KRTAP5-3: variants seen among roughly 807,000 people sequenced by gnomAD.
KRTAP5-3 encodes the protein keratin-associated protein 5-3.
Under a neutral mutation model 2.3 loss-of-function variants are expected in KRTAP5-3, and 1 was observed. The observed-to-expected ratio is 0.44, with a 90% confidence interval of 0.16 to 2.10. The LOEUF is 2.10. Among genes scored for constraint, KRTAP5-3 ranks in the 30% most tolerant of loss-of-function variants. The probability of loss-of-function intolerance (pLI) is 0.28; values close to 1 mark genes in which losing one functional copy is unlikely to be tolerated. For missense variants in KRTAP5-3, 229 were observed against 291.4 expected (o/e 0.79, Z 1.56); for synonymous variants, 92 against 117.6 (o/e 0.78, Z 1.41).
Position 1,607,620 on chromosome 11 carries a change from C to G in KRTAP5-3, c.*49G>C, listed in dbSNP as rs374233789. ...AATTCAGGACACAGCTGCAATCATT[C>G]CTGGAGAGCCCGGATCTGTAGGACC... On this transcript the variant is annotated 3_prime_UTR_variant, in exon 1 of 1. Transcript: ENST00000399685. The G allele has an allele frequency of 1.4e-5, 23 of 1,613,532 alleles. No individual in the cohort carries two copies. Among genetic ancestry groups the G allele is most frequent in the Non-Finnish European group, 1.9e-5 (23 of 1,179,624 alleles).
rs777650945 is a variant in KRTAP5-3 at position 1,608,341 on chromosome 11, C to CCCACAGCTGGAGCCACAGCCT, written c.24_44dup (p.Ser20_Ser26dup). 6.2e-7 allele frequency: 1 copy of CCCACAGCTGGAGCCACAGCCT among 1,611,018 alleles called. No individual in the cohort carries two copies. The highest frequency in any genetic ancestry group is 1.7e-5 in the Admixed American group (1 of 59,934). ...AGCCCCCACAGCTGGAGCCACAGCC[C>CCCACAGCTGGAGCCACAGCCT]CCACAGCTGGAGCCACAGCCTCCAG... is the stretch of plus-strand genomic sequence containing the variant. On this transcript the variant is annotated inframe_insertion, in exon 1 of 1. Transcript: ENST00000399685.
rs1219950240 is a variant in KRTAP5-3, at chr11:1,608,153, C to A, written c.233G>T (p.Gly78Val). 6.9e-6 allele frequency: 11 copies of A among 1,603,248 alleles called. No individual in the cohort carries two copies. Among genetic ancestry groups the A allele is most frequent in the Non-Finnish European group, 9.4e-6 (11 of 1,175,390 alleles). The change falls in exon 1 of 1, where the codon GGC (glycine) becomes GTC (valine). Residue 78 changes from glycine to valine, a missense_variant. Gly to Val is a moderately radical substitution (Grantham distance 109). Coordinates refer to ENST00000399685, the MANE Select transcript of KRTAP5-3 (RefSeq NM_001012708.2). ...GCCCCCCTTGGAGCCTCCACAGGAG[C>A]CACAGCCCCCCTTGCAGCCCCCACA... is the stretch of plus-strand genomic sequence containing the variant. Reference protein sequence around the residue: ...GSCGGCKGGCGSCGGSKGGCG... With the variant: ...GSCGGCKGGCVSCGGSKGGCG...
Position 1,608,099 on chromosome 11 carries a change from C to T in KRTAP5-3, c.287G>A (p.Cys96Tyr), listed in dbSNP as rs201208370. ...ACAGGAGCCACAGCTGGAGGAGCAG[C>T]AGACGGGCACACAGCAGCTGGAGCC... ...GCGSSCCVPV[C>Y]CSSSCGSCGG... is the part of the protein sequence containing the mutation. The change falls in exon 1 of 1, where the codon TGC becomes TAC. Residue 96 changes from cysteine to tyrosine, a missense_variant. This residue lies in a region of KRTAP5-3 where 190 missense variants were observed against 207.6 expected (regional missense o/e 0.92). Coordinates refer to ENST00000399685, the MANE Select transcript of KRTAP5-3 (RefSeq NM_001012708.2). 158 of 1,608,284 alleles carry T rather than the reference C, an allele frequency of 9.8e-5. 1 individual carries two copies. The South Asian group carries it at 1.6e-3, about 16-fold the overall frequency.
chr11:1,608,342 C>G lies in KRTAP5-3; in HGVS notation c.44G>C (p.Gly15Ala), dbSNP rs201747044. The G allele has an allele frequency of 8.1e-4, 1,311 of 1,612,652 alleles. 1 individual carries two copies. The highest frequency in any genetic ancestry group is 1.1e-3 in the Non-Finnish European group (1,276 of 1,180,008). The change falls in exon 1 of 1, where the codon GGG (glycine) becomes GCG (alanine). Residue 15 changes from glycine (G) to alanine (A), a missense_variant. Gly to Ala is a moderately conservative substitution (Grantham distance 60). Around this residue, in one of 2 missense-constraint regions of KRTAP5-3, gnomAD observed 190 missense variants for 207.6 expected, o/e 0.92. Coordinates refer to ENST00000399685, the MANE Select transcript of KRTAP5-3 (RefSeq NM_001012708.2). ...GCCCCCACAGCTGGAGCCACAGCCC[C>G]CACAGCTGGAGCCACAGCCTCCAGA... ...GCSGGCGSSC[G>A]GCGSSCGGCG...
In KRTAP5-3 at chr11:1,608,087, C is replaced by T; in HGVS notation, c.299G>A (p.Ser100Asn). The stretch of plus-strand genomic sequence containing the variant: ...CTTGGAACCCCCACAGGAGCCACAG[C>T]TGGAGGAGCAGCAGACGGGCACACA... ...SCCVPVCCSS[S>N]CGSCGGSKGV... Residue 100 changes from serine to asparagine, a missense_variant, in exon 1 of 1, where the codon AGC (serine) becomes AAC (asparagine). Around this residue, in one of 2 missense-constraint regions of KRTAP5-3, gnomAD observed 190 missense variants for 207.6 expected, o/e 0.92. Coordinates refer to ENST00000399685, the MANE Select transcript of KRTAP5-3 (RefSeq NM_001012708.2). 6.2e-7 allele frequency: 1 copy of T among 1,605,052 alleles called. No individual in the cohort carries two copies. The highest frequency in any genetic ancestry group is 8.5e-7 in the Non-Finnish European group (1 of 1,177,132).
Position 1,608,207 on chromosome 11 carries a change from C to T in KRTAP5-3, c.179G>A (p.Cys60Tyr). The T allele has an allele frequency of 1.9e-6, 3 of 1,608,790 alleles. No homozygotes were observed. Among genetic ancestry groups the T allele is most frequent in the Middle Eastern group, 2.0e-4 (1 of 4,890 alleles). ...PACSCSSCGSCGGSKGVCGSC... is the reference protein window; with the variant it reads ...PACSCSSCGSYGGSKGVCGSC... ...GCCACAGACCCCCTTGGAGCCCCCACAGGAGCCACAGCTGGAGCAGGAACA... is the reference window on the plus strand; with the variant it reads ...GCCACAGACCCCCTTGGAGCCCCCATAGGAGCCACAGCTGGAGCAGGAACA... The change falls in exon 1 of 1, where the codon TGT becomes TAT. Residue 60 changes from cysteine (C) to tyrosine (Y), a missense_variant. Transcript: ENST00000399685.
Position 1,607,973 on chromosome 11 carries a change from G to A in KRTAP5-3, c.413C>T (p.Ser138Phe), listed in dbSNP as rs1220636494. 2.5e-6 allele frequency: 4 copies of A among 1,613,852 alleles called. No individual in the cohort carries two copies. The highest frequency in any genetic ancestry group is 3.4e-6 in the Non-Finnish European group (4 of 1,179,856). Residue 138 changes from serine to phenylalanine, a missense_variant, in exon 1 of 1, where the codon TCC (serine) becomes TTC (phenylalanine). Ser to Phe is a radical substitution (Grantham distance 155, BLOSUM62 -2). Coordinates refer to ENST00000399685, the MANE Select transcript of KRTAP5-3 (RefSeq NM_001012708.2). ...GCAGCAGGATGACCCACAGCCTGAG[G>A]AGCAGCAGCAGGGCTTATAGCAGCT... ...QCSCYKPCCCSSGCGSSCCQS... is the reference protein window; with the variant it reads ...QCSCYKPCCCFSGCGSSCCQS...
In KRTAP5-3 at chr11:1,608,028, C is replaced by T; in HGVS notation, c.358G>A (p.Gly120Ser). The T allele has an allele frequency of 1.2e-6, 2 of 1,611,598 alleles. No homozygotes were observed. The highest frequency in any genetic ancestry group is 1.7e-6 in the Non-Finnish European group (2 of 1,179,318). ...TGGGAGCAGCCACAAGAACCGCAGC[C>T]CCCCTTGGAGCCCCCACGAAATCCA... ...VCGFRGGSKGGCGSCGCSQCS... is the reference protein window; with the variant it reads ...VCGFRGGSKGSCGSCGCSQCS... The change falls in exon 1 of 1, where the codon GGC becomes AGC. Residue 120 changes from glycine to serine, a missense_variant. Physicochemically the swap from Gly to Ser is moderately conservative, Grantham distance 56 (BLOSUM62 0). Around this residue, in one of 2 missense-constraint regions of KRTAP5-3, gnomAD observed 190 missense variants for 207.6 expected, o/e 0.92. Coordinates refer to ENST00000399685, the MANE Select transcript of KRTAP5-3 (RefSeq NM_001012708.2).
rs184639580 is a variant in KRTAP5-3, at chr11:1,608,104, G to T, written c.282C>A (p.Pro94=). 4.1e-5 allele frequency: 65 copies of T among 1,595,416 alleles called. No individual in the cohort carries two copies. The highest frequency in any genetic ancestry group is 3.7e-5 in the Non-Finnish European group (44 of 1,175,208). The change falls in exon 1 of 1, where the codon CCC becomes CCA. Residue 94 remains proline (P), a synonymous_variant. Transcript: ENST00000399685. ...KGGCGSSCCV[P]VCCSSSCGSC... ...AGCCACAGCTGGAGGAGCAGCAGACGGGCACACAGCAGCTGGAGCCACAGC... is the reference window on the plus strand; with the variant it reads ...AGCCACAGCTGGAGGAGCAGCAGACTGGCACACAGCAGCTGGAGCCACAGC...
rs1457664675 is a variant in KRTAP5-3, at chr11:1,608,297, C to T, written c.89G>A (p.Gly30Asp). ...AGGTACACAGCAGCCGGAGCCACAG[C>T]CCCCATAGCCGGAGCCACAGCCCCC... ...SCGGCGSGYG[G>D]CGSGCCVPVC... Residue 30 changes from glycine (G) to aspartate (D), a missense_variant, in exon 1 of 1, where the codon GGC (glycine) becomes GAC (aspartate). By Grantham distance (94) the Gly-to-Asp change is moderately conservative (BLOSUM62 -1). Transcript: ENST00000399685. The T allele has an allele frequency of 6.2e-7, 1 of 1,611,652 alleles. No individual in the cohort carries two copies. The highest frequency in any genetic ancestry group is 2.2e-5 in the East Asian group (1 of 44,822).
chr11:1,608,105 G>A lies in KRTAP5-3; in HGVS notation c.281C>T (p.Pro94Leu), dbSNP rs767457167. 1 of 1,604,950 alleles carries A rather than the reference G, an allele frequency of 6.2e-7. No homozygotes were observed. Among genetic ancestry groups the A allele is most frequent in the Non-Finnish European group, 8.5e-7 (1 of 1,177,578 alleles). Reference sequence around the variant, plus strand: ...GCCACAGCTGGAGGAGCAGCAGACGGGCACACAGCAGCTGGAGCCACAGCC... The same window carrying A: ...GCCACAGCTGGAGGAGCAGCAGACGAGCACACAGCAGCTGGAGCCACAGCC... ...KGGCGSSCCV[P>L]VCCSSSCGSC... The change falls in exon 1 of 1, where the codon CCC becomes CTC. Residue 94 changes from proline (P) to leucine (L), a missense_variant. Around this residue, in one of 2 missense-constraint regions of KRTAP5-3, gnomAD observed 190 missense variants for 207.6 expected, o/e 0.92. Coordinates refer to ENST00000399685, the MANE Select transcript of KRTAP5-3 (RefSeq NM_001012708.2).
chr11:1,607,955 G>A lies in KRTAP5-3; in HGVS notation c.431C>T (p.Ser144Phe). 1 of 1,613,758 alleles carries A rather than the reference G, an allele frequency of 6.2e-7. No individual in the cohort carries two copies. Among genetic ancestry groups the A allele is most frequent in the East Asian group, 2.2e-5 (1 of 44,834 alleles). Residue 144 changes from serine to phenylalanine, a missense_variant, in exon 1 of 1, where the codon TCC (serine) becomes TTC (phenylalanine). By Grantham distance (155) the Ser-to-Phe change is radical. Around this residue, in one of 2 missense-constraint regions of KRTAP5-3, gnomAD observed 190 missense variants for 207.6 expected, o/e 0.92. Transcript: ENST00000399685. The part of the protein sequence containing the change: ...PCCCSSGCGS[S>F]CCQSSCCKPS... ...CTTGCAGCAGCTGGACTGGCAGCAGGATGACCCACAGCCTGAGGAGCAGCA... is the reference window on the plus strand; with the variant it reads ...CTTGCAGCAGCTGGACTGGCAGCAGAATGACCCACAGCCTGAGGAGCAGCA...
Position 1,608,118 on chromosome 11 carries a change from T to G in KRTAP5-3, c.268A>C (p.Ser90Arg). The change falls in exon 1 of 1, where the codon AGC becomes CGC. Residue 90 changes from serine (S) to arginine (R), a missense_variant. Around this residue, in one of 2 missense-constraint regions of KRTAP5-3, gnomAD observed 190 missense variants for 207.6 expected, o/e 0.92. Transcript: ENST00000399685. ...GAGCAGCAGACGGGCACACAGCAGC[T>G]GGAGCCACAGCCCCCCTTGGAGCCT... ...CGGSKGGCGS[S>R]CCVPVCCSSS... 6.6e-7 allele frequency: 1 copy of G among 1,514,508 alleles called. No individual in the cohort carries two copies. The highest frequency in any genetic ancestry group is 1.1e-5 in the South Asian group (1 of 88,688). The allele number at this position is 1,514,508 out of a possible 1,614,324, so 93.8% of individuals were successfully genotyped here. A position where few individuals can be genotyped will look rare whatever the true frequency, so the allele number is the denominator to read the frequency against.
chr11:1,608,164 C>G lies in KRTAP5-3; in HGVS notation c.222G>C (p.Lys74Asn). 6.3e-7 allele frequency: 1 copy of G among 1,595,694 alleles called. No individual in the cohort carries two copies. The highest frequency in any genetic ancestry group is 8.5e-7 in the Non-Finnish European group (1 of 1,172,662). Reference protein sequence around the residue: ...KGVCGSCGGCKGGCGSCGGSK... With the variant: ...KGVCGSCGGCNGGCGSCGGSK... ...AGCCTCCACAGGAGCCACAGCCCCC[C>G]TTGCAGCCCCCACAAGAGCCACAGA... The change falls in exon 1 of 1, where the codon AAG (lysine) becomes AAC (asparagine). Residue 74 changes from lysine to asparagine, a missense_variant. By Grantham distance (94) the Lys-to-Asn change is moderately conservative (BLOSUM62 0). This residue lies in a region of KRTAP5-3 where 190 missense variants were observed against 207.6 expected (regional missense o/e 0.92). Coordinates refer to ENST00000399685, the MANE Select transcript of KRTAP5-3 (RefSeq NM_001012708.2).
In KRTAP5-3 at chr11:1,607,820, C is replaced by T. The variant is rs1175586538; in HGVS notation, c.566G>A (p.Cys189Tyr). The change falls in exon 1 of 1, where the codon TGC becomes TAC. Residue 189 changes from cysteine to tyrosine, a missense_variant. Physicochemically the swap from Cys to Tyr is radical, Grantham distance 194 (BLOSUM62 -2). This residue lies in a region of KRTAP5-3 where 39 missense variants were observed against 83.8 expected (regional missense o/e 0.47). Transcript: ENST00000399685. ...GCGSSCCQSS[C>Y]CKPCCSQSSC... ...GGACTGGGAACAGCAGGGTTTGCAG[C>T]AGCTGGACTGGCAGCAGGATGACCC... is the stretch of plus-strand genomic sequence containing the variant. 6.3e-7 allele frequency: 1 copy of T among 1,595,846 alleles called. No homozygotes were observed. The highest frequency in any genetic ancestry group is 8.6e-7 in the Non-Finnish European group (1 of 1,167,746).
At position 1,608,152 on chromosome 11, in the gene KRTAP5-3, G is replaced by A. The variant is rs545058696; in HGVS notation, c.234C>T (p.Gly78=). The A allele has an allele frequency of 3.9e-6, 6 of 1,551,974 alleles. No homozygotes were observed. Among genetic ancestry groups the A allele is most frequent in the South Asian group, 1.1e-5 (1 of 89,190 alleles). The change falls in exon 1 of 1, where the codon GGC becomes GGT. Residue 78 remains glycine, a synonymous_variant. Transcript: ENST00000399685. ...AGCCCCCCTTGGAGCCTCCACAGGAGCCACAGCCCCCCTTGCAGCCCCCAC... is the reference window on the plus strand; with the variant it reads ...AGCCCCCCTTGGAGCCTCCACAGGAACCACAGCCCCCCTTGCAGCCCCCAC... ...GSCGGCKGGC[G]SCGGSKGGCG... is the part of the protein sequence containing the mutation.
In KRTAP5-3 at chr11:1,608,318, C is replaced by A. The variant is rs772373035; in HGVS notation, c.68G>T (p.Gly23Val). Reference sequence around the variant, plus strand: ...ACAGCCCCCATAGCCGGAGCCACAGCCCCCACAGCTGGAGCCACAGCCCCC... The same window carrying A: ...ACAGCCCCCATAGCCGGAGCCACAGACCCCACAGCTGGAGCCACAGCCCCC... ...SCGGCGSSCG[G>V]CGSGYGGCGS... Residue 23 changes from glycine to valine, a missense_variant, in exon 1 of 1, where the codon GGC becomes GTC. Gly to Val is a moderately radical substitution (Grantham distance 109). Around this residue, in one of 2 missense-constraint regions of KRTAP5-3, gnomAD observed 190 missense variants for 207.6 expected, o/e 0.92. Coordinates refer to ENST00000399685, the MANE Select transcript of KRTAP5-3 (RefSeq NM_001012708.2). 7 of 1,609,064 alleles carry A rather than the reference C, an allele frequency of 4.4e-6. No individual in the cohort carries two copies. The South Asian group carries it at 7.7e-5, about 18-fold the overall frequency.
rs1849427747 is a variant in KRTAP5-3 at position 1,607,688 on chromosome 11, C to G, written c.698G>C (p.Cys233Ser). ...SSQSSCCVPICCQCKI is the reference protein window; with the variant it reads ...SSQSSCCVPISCQCKI ...AGAGCCTCAGATCTTGCACTGGCAGCAAATTGGGACACAGCAGCTGGACTG... is the reference window on the plus strand; with the variant it reads ...AGAGCCTCAGATCTTGCACTGGCAGGAAATTGGGACACAGCAGCTGGACTG... The change falls in exon 1 of 1, where the codon TGC becomes TCC. Residue 233 changes from cysteine to serine, a missense_variant. Transcript: ENST00000399685. 2 of 1,614,124 alleles carry G rather than the reference C, an allele frequency of 1.2e-6. No homozygotes were observed. The highest frequency in any genetic ancestry group is 1.7e-6 in the Non-Finnish European group (2 of 1,180,046).
rs756859512 is a variant in KRTAP5-3, at chr11:1,608,288, G to A, written c.98C>T (p.Ser33Phe). 6.2e-7 allele frequency: 1 copy of A among 1,611,154 alleles called. No individual in the cohort carries two copies. Among genetic ancestry groups the A allele is most frequent in the Admixed American group, 1.7e-5 (1 of 59,910 alleles). ...GCAGCAGACAGGTACACAGCAGCCGGAGCCACAGCCCCCATAGCCGGAGCC... is the reference window on the plus strand; with the variant it reads ...GCAGCAGACAGGTACACAGCAGCCGAAGCCACAGCCCCCATAGCCGGAGCC... ...GCGSGYGGCG[S>F]GCCVPVCCCK... The change falls in exon 1 of 1, where the codon TCC becomes TTC. Residue 33 changes from serine to phenylalanine, a missense_variant. Physicochemically the swap from Ser to Phe is radical, Grantham distance 155 (BLOSUM62 -2). Coordinates refer to ENST00000399685, the MANE Select transcript of KRTAP5-3 (RefSeq NM_001012708.2).
Sources: allele counts gnomAD v4.1 joint callset, GRCh38; gene constraint gnomAD v4.1.1; regional missense constraint gnomAD v4.1.1; transcripts MANE v1.5; gene names NCBI Gene and HGNC (gene_info 2026-07-23, HGNC 2026-07-21).